WDCP: variants seen among roughly 807,000 people sequenced by gnomAD.
The protein encoded by WDCP is WD repeat and coiled coil containing.
A neutral mutation model predicts 41.6 loss-of-function variants in WDCP; 19 were observed. The ratio of observed to expected loss-of-function variants is 0.46; its 90% CI spans 0.32 to 0.67. The LOEUF is 0.67. Ranked by LOEUF, WDCP falls within the 30% of genes least tolerant of loss-of-function variation. The pLI is 0.04. For synonymous variants in WDCP, 302 were observed against 320.8 expected, an observed-to-expected ratio of 0.94 and a Z score of 0.63; for missense variants, 802 against 850.7, an observed-to-expected ratio of 0.94 and a Z score of 0.71.
chr2:24,039,580 GTAAGACAACGGCT>G, intron 1 of WDCP, 68 bp from the exon 2 acceptor site: 2 of 1,399,014 alleles, frequency 1.4e-6, no homozygotes. Context: ...AGGACATTTG[GTAAGACAACGGCT>G]TAGCCCCTTC....
At chr2:24,033,258 G>A in intron 2 of WDCP, 1 of 484,386 alleles carries the variant, frequency 2.1e-6, no homozygotes. Flanking sequence ...CAATCTGACG[G>A]TAAGAACACC....
intron 3 of WDCP, among the ~76,000 whole-genome samples, chr2:24,031,856 T>G (rs565716445): frequency 6.6e-6 from 1 of 152,132 alleles, no homozygotes; most frequent in Admixed American, 6.5e-5. Flanking sequence ...AGAAACATTC[T>G]GCAATGCTGC....
chr2:24,039,537 A>T (rs1249997449), intron 1 of WDCP, 25 bp from the exon 2 acceptor site: 1 of 1,585,194 alleles, frequency 6.3e-7, no homozygotes, highest in Non-Finnish European at 8.6e-7. Flanking sequence ...AAGGAAAGTT[A>T]CACCATGAGA....
At chr2:24,033,022 T>C in intron 2 of WDCP, 76 bp from the exon 3 acceptor site, 2 of 975,324 alleles carry the variant, frequency 2.1e-6, no homozygotes. Flanking sequence ...AAGGAATGTG[T>C]AAATAGTTTT....
At chr2:24,037,494 A>C (rs909112346) in intron 2 of WDCP, among the ~76,000 whole-genome samples, 183 bp downstream of exon 2, 1 of 152,234 alleles carries the variant, frequency 6.6e-6, no homozygotes, top group African/African-American at 2.4e-5. Flanking sequence ...ATGTGCGCCT[A>C]TCTGGTTGGC....
rs763043694 is a variant in WDCP, at chr2:24,039,412, C to T, written c.83G>A (p.Trp28Ter). 6.2e-7 allele frequency: 1 copy of T among 1,614,264 alleles called. No individual in the cohort carries two copies. Among genetic ancestry groups the T allele is most frequent in the Admixed American group, 1.7e-5 (1 of 60,030 alleles). The stretch of plus-strand genomic sequence containing the variant: ...TAGGACAACTTGATTCCCATCGGTC[C>T]AGGCAAGGCCATGGATCGGATGCAC... ...QAVHPIHGLA[W>*]TDGNQVVLTD... The change falls in exon 2 of 4, where the codon TGG becomes TAG. Residue 28 changes from tryptophan to a stop codon, truncating the protein, a stop_gained. Transcript: ENST00000295148. LOFTEE classifies it high-confidence loss of function.
intron 3 of WDCP, 51 bp from the exon 4 acceptor site, chr2:24,031,213 A>G: frequency 7.4e-7 from 1 of 1,360,200 alleles, no homozygotes; most frequent in Non-Finnish European, 1.0e-6. Flanking sequence ...TATTCTTATG[A>G]TGAAACATAT....
chr2:24,033,600 G>C (rs187694137), intron 2 of WDCP, among the ~76,000 whole-genome samples: 1 of 151,422 alleles, frequency 6.6e-6, no homozygotes, highest in Non-Finnish European at 1.5e-5. Context: ...AGTTAGCCAG[G>C]CATGGTGGTA....
At position 24,037,824 on chromosome 2, in the gene WDCP, C is replaced by T. The variant is rs1355997759; in HGVS notation, c.1671G>A (p.Leu557=). The T allele has an allele frequency of 2.5e-6, 4 of 1,614,242 alleles. No homozygotes were observed. The highest frequency in any genetic ancestry group is 3.4e-6 in the Non-Finnish European group (4 of 1,180,048). Residue 557 remains leucine, a synonymous_variant, in exon 2 of 4, where the codon CTG becomes CTA. Coordinates refer to ENST00000295148, the MANE Select transcript of WDCP (RefSeq NM_025203.3). ...NLQSEKETYQ[L]SKEVEILSRN... is the part of the protein sequence containing the mutation. Reference sequence around the variant, plus strand: ...TAGATAAAATTTCCACTTCCTTAGACAGCTGATAAGTTTCCTTTTCACTTT... The same window carrying T: ...TAGATAAAATTTCCACTTCCTTAGATAGCTGATAAGTTTCCTTTTCACTTT...
At chr2:24,037,479 CT>C (rs1182291926) in intron 2 of WDCP, among the ~76,000 whole-genome samples, 197 bp downstream of exon 2, 3 of 152,188 alleles carry the variant, frequency 2.0e-5, no homozygotes, top group East Asian at 3.8e-4. Flanking sequence ...ATGATGCAGA[CT>C]GATATGTGCG....
rs1663081266 is a variant in WDCP, at chr2:24,030,949, A to G, written c.2150T>C (p.Val717Ala). ...CTGCAGATATCAAGCCATGCCATCT[A>G]CATGGTTACAACAGCCAGTGGTATC... is the stretch of plus-strand genomic sequence containing the variant. ...SLDTTGCCNH[V>A]DGMA Residue 717 changes from valine to alanine, a missense_variant, in exon 4 of 4, where the codon GTA (valine) becomes GCA (alanine). Val to Ala is a moderately conservative substitution (Grantham distance 64). Around this residue, in one of 5 missense-constraint regions of WDCP, gnomAD observed 321 missense variants for 305.1 expected, o/e 1.05. Transcript: ENST00000295148. 1 of 1,613,640 alleles carries G rather than the reference A, an allele frequency of 6.2e-7. No individual in the cohort carries two copies. The highest frequency in any genetic ancestry group is 8.5e-7 in the Non-Finnish European group (1 of 1,179,514).
intron 1 of WDCP, among the ~76,000 whole-genome samples, chr2:24,040,485 C>T (rs1663393882): frequency 6.6e-6 from 1 of 152,186 alleles, no homozygotes; most frequent in South Asian, 2.1e-4. Context: ...TATTTCAAAT[C>T]CTTCCAAAGT....
intron 1 of WDCP, among the ~76,000 whole-genome samples, 162 bp downstream of exon 1, chr2:24,047,152 C>G (rs557570408): frequency 6.6e-6 from 1 of 152,136 alleles, no homozygotes; most frequent in Admixed American, 6.5e-5. Flanking sequence ...ATCCTCATCC[C>G]GCGACCCCTC....
chr2:24,039,588 A>G (rs1421845539), intron 1 of WDCP, 76 bp from the exon 2 acceptor site: 2 of 1,331,100 alleles, frequency 1.5e-6, no homozygotes, highest in African/African-American at 1.5e-5. Flanking sequence ...TGGTAAGACA[A>G]CGGCTTAGCC....
intron 2 of WDCP, among the ~76,000 whole-genome samples, chr2:24,037,046 G>A (rs1663276896): frequency 6.6e-6 from 1 of 152,148 alleles, no homozygotes; most frequent in Non-Finnish European, 1.5e-5. Flanking sequence ...CTTTTTCTTT[G>A]AGACGGAGTC....
chr2:24,042,809 G>C (rs1010581504), intron 1 of WDCP, among the ~76,000 whole-genome samples: 1 of 152,040 alleles, frequency 6.6e-6, no homozygotes. Flanking sequence ...GAGGCGGGCA[G>C]ATCACCTGAC....
chr2:24,034,731 G>A (rs1009682426), intron 2 of WDCP, among the ~76,000 whole-genome samples: 3 of 151,780 alleles, frequency 2.0e-5, no homozygotes, highest in Non-Finnish European at 2.9e-5. Flanking sequence ...GTGCCATCAC[G>A]GCTGGCTAAT....
At chr2:24,040,787 C>T (rs1663403474) in intron 1 of WDCP, among the ~76,000 whole-genome samples, 1 of 152,102 alleles carries the variant, frequency 6.6e-6, no homozygotes, top group Admixed American at 6.6e-5. Flanking sequence ...GAGGCTGAGA[C>T]GGGAGGATCA....
chr2:24,042,745 G>A (rs868202522), intron 1 of WDCP, among the ~76,000 whole-genome samples: 2 of 150,258 alleles, frequency 1.3e-5, no homozygotes, highest in Admixed American at 1.3e-4. Flanking sequence ...ACAATTACTG[G>A]GCCAGAGCCA....
Sources: allele counts gnomAD v4.1 joint callset (sites outside exome capture counted in the v4.1 genomes callset), GRCh38; gene constraint gnomAD v4.1.1; regional missense constraint gnomAD v4.1.1; transcripts MANE v1.5; gene names NCBI Gene and HGNC (gene_info 2026-07-23, HGNC 2026-07-21).